SDCCAG8: variants seen among roughly 807,000 people sequenced by gnomAD.
The protein encoded by SDCCAG8 is serologically defined colon cancer antigen 8.
Under a neutral mutation model 101.8 loss-of-function variants are expected in SDCCAG8, and 74 were observed. The ratio of observed to expected loss-of-function variants is 0.73; its 90% confidence interval spans 0.60 to 0.88. The LOEUF is 0.88. Ranked by LOEUF, SDCCAG8 falls within the 40% of genes least tolerant of loss-of-function variation. The probability of loss-of-function intolerance (pLI) is 0.00; values close to 1 mark genes in which losing one functional copy is unlikely to be tolerated. For synonymous variants in SDCCAG8, 281 were observed against 292.9 expected, an observed-to-expected ratio of 0.96 and a Z score of 0.41; for missense variants, 787 against 822.6, an observed-to-expected ratio of 0.96 and a Z score of 0.53.
At chr1:243,353,171 A>G (rs970402353) in intron 12 of SDCCAG8, among the ~76,000 whole-genome samples, 3 of 152,070 alleles carry the variant, frequency 2.0e-5, no homozygotes, top group African/African-American at 4.8e-5. Flanking sequence ...GGGAGGGGAA[A>G]GATAACATCC....
intron 16 of SDCCAG8, among the ~76,000 whole-genome samples, chr1:243,485,912 T>C (rs1015309687): frequency 6.6e-5 from 8 of 120,672 alleles, no homozygotes; most frequent in African/African-American, 2.6e-4. Context: ...AAAAAATCAA[T>C]CTCGGGCCGG....
At chr1:243,287,841 T>C in intron 5 of SDCCAG8, among the ~76,000 whole-genome samples, 1 of 152,068 alleles carries the variant, frequency 6.6e-6, no homozygotes, top group East Asian at 1.9e-4. Flanking sequence ...GGAAGTGAAG[T>C]GAGAAAGGAA....
chr1:243,307,061 G>GT (rs576037723), intron 7 of SDCCAG8, among the ~76,000 whole-genome samples: 3,764 of 135,358 alleles, frequency 0.028, 143 homozygotes, highest in African/African-American at 0.085. Context: ...GTTTTTTTTT[G>GT]TTTTTTTTTT....
At chr1:243,463,917 C>A (rs1223428359) in intron 16 of SDCCAG8, among the ~76,000 whole-genome samples, 1 of 152,110 alleles carries the variant, frequency 6.6e-6, no homozygotes, top group Non-Finnish European at 1.5e-5. Context: ...TGGATGTGAA[C>A]TCTCGGTGTT....
intron 11 of SDCCAG8, among the ~76,000 whole-genome samples, chr1:243,342,198 A>C (rs746727655): frequency 6.6e-6 from 1 of 152,226 alleles, no homozygotes; most frequent in Non-Finnish European, 1.5e-5. Flanking sequence ...ACCTAGATTT[A>C]TAGGTGAAAG....
At chr1:243,472,836 C>G (rs559096712) in intron 16 of SDCCAG8, among the ~76,000 whole-genome samples, 15 of 152,198 alleles carry the variant, frequency 9.9e-5, no homozygotes, top group Non-Finnish European at 1.5e-4. Flanking sequence ...CTTTTACTAT[C>G]TTAAACAAGG....
intron 15 of SDCCAG8, among the ~76,000 whole-genome samples, chr1:243,419,841 T>C (rs988677853): frequency 9.2e-5 from 14 of 152,346 alleles, no homozygotes; most frequent in African/African-American, 2.4e-4. Context: ...GTCCTTGGCA[T>C]GTAACGGTTA....
At chr1:243,490,422 C>G (rs1170143842) in intron 17 of SDCCAG8, among the ~76,000 whole-genome samples, 2 of 152,238 alleles carry the variant, frequency 1.3e-5, no homozygotes, top group Non-Finnish European at 2.9e-5. Context: ...GCCCTGGAAC[C>G]TGAATTTTGC....
intron 10 of SDCCAG8, 126 bp from the exon 11 acceptor site, chr1:243,340,913 C>T: frequency 1.1e-6 from 1 of 945,398 alleles, no homozygotes; most frequent in Non-Finnish European, 1.7e-6. Context: ...AATGAACATA[C>T]CCAATCCACA....
At chr1:243,425,708 T>A (rs2081295382) in intron 15 of SDCCAG8, among the ~76,000 whole-genome samples, 1 of 152,206 alleles carries the variant, frequency 6.6e-6, no homozygotes, top group Non-Finnish European at 1.5e-5. Context: ...TTTTCTTGGA[T>A]AAACATCTTT....
chr1:243,359,351 G>A (rs1429291621), intron 12 of SDCCAG8, among the ~76,000 whole-genome samples: 4 of 152,196 alleles, frequency 2.6e-5, no homozygotes, highest in African/African-American at 9.7e-5. Flanking sequence ...GCCTCACAGT[G>A]AATGTACTAA....
At chr1:243,456,423 A>G (rs1028011083) in intron 16 of SDCCAG8, among the ~76,000 whole-genome samples, 3 of 152,228 alleles carry the variant, frequency 2.0e-5, no homozygotes, top group Non-Finnish European at 4.4e-5. Context: ...AAATATAGTC[A>G]GATGACAAAT....
intron 1 of SDCCAG8, among the ~76,000 whole-genome samples, chr1:243,262,658 G>C (rs976022180): frequency 2.0e-5 from 3 of 152,204 alleles, no homozygotes; most frequent in East Asian, 3.8e-4. Context: ...AATAGGTATA[G>C]AGTAAGTTTT....
intron 1 of SDCCAG8, among the ~76,000 whole-genome samples, chr1:243,266,750 A>G (rs1233132557): frequency 8.3e-6 from 1 of 120,632 alleles, no homozygotes; most frequent in East Asian, 2.6e-4. Context: ...CTAAAAATAC[A>G]AAAGTATTTG....
intron 16 of SDCCAG8, among the ~76,000 whole-genome samples, chr1:243,429,074 A>C (rs1395807339): frequency 6.6e-6 from 1 of 152,208 alleles, no homozygotes; most frequent in African/African-American, 2.4e-5. Context: ...AGTACTTCCA[A>C]GAAGCAGAGA....
intron 16 of SDCCAG8, among the ~76,000 whole-genome samples, chr1:243,475,039 A>T (rs1662115704): frequency 6.6e-6 from 1 of 152,128 alleles, no homozygotes; most frequent in South Asian, 2.1e-4. Flanking sequence ...CCTCTGTAAA[A>T]GGTGGCATTC....
rs545758723 is a variant in SDCCAG8, at chr1:243,458,168, C to T, written c.1986-30846C>T. Among the ~76,000 whole-genome samples the T allele has an allele frequency of 6.6e-6, 1 of 152,308 alleles. No homozygotes were observed. Among genetic ancestry groups the T allele is most frequent in the South Asian group, 2.1e-4 (1 of 4,832 alleles). On this transcript the variant is annotated intron_variant, in intron 16 of 17. Coordinates refer to ENST00000366541, the MANE Select transcript of SDCCAG8 (RefSeq NM_006642.5). The surrounding 1 kb of genome is among the most constrained non-coding windows in gnomAD (Gnocchi z 4.5). Reference sequence around the variant, plus strand: ...TGAAGACATCTGACTACTCAGCACACACAATCTTAAGGTCTTTGCTGTAAG... The same window carrying T: ...TGAAGACATCTGACTACTCAGCACATACAATCTTAAGGTCTTTGCTGTAAG...
Position 243,296,579 on chromosome 1 carries a change from G to A in SDCCAG8, c.675+3360G>A, listed in dbSNP as rs2070919867. 3.8e-5 allele frequency among the ~76,000 whole-genome samples: 4 copies of A among 106,572 alleles called. No individual in the cohort carries two copies. In the Admixed American group the frequency reaches 6.0e-4, roughly 16 times the overall value. 69.9% of individuals were successfully genotyped at this position (106,572 alleles called of 152,430 possible). ...TTTTTTTGAGACGGAGTCTCGTTCT[G>A]TCGCCCAGGCGGGAGTGCTGTGGCG... On this transcript the variant is annotated intron_variant, in intron 6 of 17. Coordinates refer to ENST00000366541, the MANE Select transcript of SDCCAG8 (RefSeq NM_006642.5).
intron 13 of SDCCAG8, among the ~76,000 whole-genome samples, chr1:243,404,906 G>A (rs567180469): frequency 1.1e-3 from 153 of 144,884 alleles, no homozygotes; most frequent in Non-Finnish European, 2.0e-3. Context: ...TTACCCTGTC[G>A]CCCAGGCTGG....
Sources: allele counts gnomAD v4.1 joint callset (sites outside exome capture counted in the v4.1 genomes callset), GRCh38; gene constraint gnomAD v4.1.1; non-coding constraint Gnocchi (gnomAD v3.1); transcripts MANE v1.5; gene names NCBI Gene and HGNC (gene_info 2026-07-23, HGNC 2026-07-21).